The following CCNB1 variants were observed in gnomAD, a reference collection of about 807,000 sequenced individuals.
CCNB1 encodes cyclin B1, also known as G2/mitotic-specific cyclin-B1.
In CCNB1, 26 loss-of-function variants were observed where a neutral mutation model predicts 44.4. That is an observed-to-expected ratio of 0.59 (90% CI 0.43 to 0.81). The LOEUF (loss-of-function observed/expected upper bound fraction) is 0.81. Among genes scored for constraint, CCNB1 ranks in the 40% least tolerant of loss-of-function variants. The probability of loss-of-function intolerance (pLI) is 0.00; values close to 1 mark genes in which losing one functional copy is unlikely to be tolerated. For missense variants in CCNB1, 477 were observed against 520.9 expected (o/e 0.92, Z 0.82); for synonymous variants, 195 against 181.4 (o/e 1.08, Z -0.60).
chr5:69,167,812 C>A (rs1747368578), intron 1 of CCNB1, 96 bp from the exon 2 acceptor site: 1 of 1,173,152 alleles, frequency 8.5e-7, no homozygotes, highest in East Asian at 2.4e-5. Flanking sequence ...AGTCGGCTTT[C>A]TTTCTGGGAA....
intron 7 of CCNB1, among the ~76,000 whole-genome samples, chr5:69,176,578 G>T (rs1313249127): frequency 2.0e-5 from 3 of 149,410 alleles, no homozygotes; most frequent in African/African-American, 7.4e-5. Context: ...CACCGTGTTA[G>T]CCAGGATGGT....
In CCNB1 at chr5:69,171,322, A is replaced by G. The variant is rs1561313422; in HGVS notation, c.416A>G (p.Glu139Gly). ...PMETSGCAPA[E>G]EDLCQAFSDV... ...GAAACATCTGGATGTGCCCCTGCAG[A>G]AGAAGACCTGTGTCAGGCTTTCTCT... Residue 139 changes from glutamate (E) to glycine (G), a missense_variant, in exon 4 of 9, where the codon GAA (glutamate) becomes GGA (glycine). By Grantham distance (98) the Glu-to-Gly change is moderately conservative. Transcript: ENST00000256442. 6.2e-7 allele frequency: 1 copy of G among 1,613,960 alleles called. No individual in the cohort carries two copies. Among genetic ancestry groups the G allele is most frequent in the Non-Finnish European group, 8.5e-7 (1 of 1,179,932 alleles).
intron 1 of CCNB1, chr5:69,167,496 G>C: frequency 1.7e-6 from 1 of 577,268 alleles, no homozygotes; most frequent in Admixed American, 3.2e-5. Flanking sequence ...GTGAGAAAGA[G>C]AACTGGACGG....
At chr5:69,167,406 G>A in intron 1 of CCNB1, 123 bp downstream of exon 1, 2 of 1,122,618 alleles carry the variant, frequency 1.8e-6, no homozygotes, top group Non-Finnish European at 1.3e-6. Context: ...AGGAAGGTGG[G>A]AGGGGACTCA....
chr5:69,171,500 A>G (rs1747459073), intron 4 of CCNB1, 48 bp downstream of exon 4: 3 of 1,349,710 alleles, frequency 2.2e-6, no homozygotes, highest in African/African-American at 1.5e-5. Flanking sequence ...TAACTTTATG[A>G]AAGTATTTTC....
intron 7 of CCNB1, 51 bp from the exon 8 acceptor site, chr5:69,177,188 A>C: frequency 9.7e-7 from 1 of 1,032,182 alleles, no homozygotes; most frequent in African/African-American, 1.6e-5. Context: ...TAGAAACTTT[A>C]TGAAAATCAT....
intron 4 of CCNB1, 136 bp from the exon 5 acceptor site, chr5:69,174,115 A>G (rs913742505): frequency 4.3e-6 from 3 of 690,774 alleles, no homozygotes; most frequent in Non-Finnish European, 7.2e-6. Context: ...GTGGTTGACC[A>G]TATGAATAAT....
chr5:69,174,854 C>T, intron 5 of CCNB1, 23 bp from the exon 6 acceptor site: 2 of 1,564,708 alleles, frequency 1.3e-6, no homozygotes, highest in Non-Finnish European at 1.8e-6. Flanking sequence ...ATTTTATTCA[C>T]CCTATTGAAA....
chr5:69,175,304 A>C, intron 6 of CCNB1, 93 bp from the exon 7 acceptor site: 1 of 1,226,668 alleles, frequency 8.2e-7, no homozygotes, highest in Non-Finnish European at 1.1e-6. Flanking sequence ...GTTTGTAGAC[A>C]AACATTTGTA....
Position 69,167,922 on chromosome 5 carries a change from T to G in CCNB1, c.36T>G (p.Asn12Lys), listed in dbSNP as rs772739694. 54 of 1,609,406 alleles carry G rather than the reference T, an allele frequency of 3.4e-5. No individual in the cohort carries two copies. Among genetic ancestry groups the G allele is most frequent in the Non-Finnish European group, 4.1e-5 (48 of 1,178,862 alleles). Reference protein sequence around the residue: ...ALRVTRNSKINAENKAKINMA... With the variant: ...ALRVTRNSKIKAENKAKINMA... The stretch of plus-strand genomic sequence containing the variant: ...GCTTCTTTCAGAACTCGAAAATTAA[T>G]GCTGAAAATAAGGCGAAGATCAACA... The change falls in exon 2 of 9, where the codon AAT (asparagine) becomes AAG (lysine). Residue 12 changes from asparagine (N) to lysine (K), a missense_variant. By Grantham distance (94) the Asn-to-Lys change is moderately conservative. Coordinates refer to ENST00000256442, the MANE Select transcript of CCNB1 (RefSeq NM_031966.4).
chr5:69,170,472 A>G (rs916753511), intron 3 of CCNB1, among the ~76,000 whole-genome samples: 7 of 152,190 alleles, frequency 4.6e-5, no homozygotes, highest in Non-Finnish European at 8.8e-5. Flanking sequence ...TGTGTTGAGT[A>G]GTGAGAAGCA....
intron 7 of CCNB1, 103 bp from the exon 8 acceptor site, chr5:69,177,136 C>T (rs1747613283): frequency 1.3e-5 from 8 of 637,644 alleles, no homozygotes; most frequent in Non-Finnish European, 8.4e-6. Flanking sequence ...ATTAATTATA[C>T]AGTACCCATC....
intron 7 of CCNB1, 98 bp from the exon 8 acceptor site, chr5:69,177,141 C>T: frequency 1.5e-6 from 1 of 658,434 alleles, no homozygotes; most frequent in South Asian, 1.8e-5. Flanking sequence ...TTATACAGTA[C>T]CCATCTCTTT....
intron 7 of CCNB1, 56 bp from the exon 8 acceptor site, chr5:69,177,183 A>G (rs1747614309): frequency 1.0e-6 from 1 of 980,484 alleles, no homozygotes; most frequent in African/African-American, 1.6e-5. Flanking sequence ...ACATCTAGAA[A>G]CTTTATGAAA....
In CCNB1 at chr5:69,177,947, G is replaced by A. The variant is rs1283211372; in HGVS notation, c.*316G>A. On this transcript the variant is annotated 3_prime_UTR_variant, in exon 9 of 9. Coordinates refer to ENST00000256442, the MANE Select transcript of CCNB1 (RefSeq NM_031966.4). ...AATATGAGTTACTGAAGGTGATGGA[G>A]GTATTTGAAAATTTTACTTCCATAG... 5.0e-6 allele frequency: 1 copy of A among 199,960 alleles called. No homozygotes were observed. The highest frequency in any genetic ancestry group is 1.0e-5 in the Non-Finnish European group (1 of 97,976). 12.4% of individuals were successfully genotyped at this position (199,960 alleles called of 1,614,324 possible).
chr5:69,169,568 C>G (rs745802336), intron 3 of CCNB1, among the ~76,000 whole-genome samples: 15 of 152,168 alleles, frequency 9.9e-5, no homozygotes, highest in Non-Finnish European at 1.6e-4. Context: ...TAGCTAATAA[C>G]CTTTTCATCC....
At chr5:69,172,514 C>T (rs547191434) in intron 4 of CCNB1, among the ~76,000 whole-genome samples, 23 of 152,226 alleles carry the variant, frequency 1.5e-4, no homozygotes, top group African/African-American at 5.3e-4. Flanking sequence ...ATCCCGGCCT[C>T]CCAAAGTGCT....
At chr5:69,169,310 G>A (rs554073223) in intron 3 of CCNB1, among the ~76,000 whole-genome samples, 2 of 152,276 alleles carry the variant, frequency 1.3e-5, no homozygotes, top group East Asian at 1.9e-4. Context: ...GCCCGCCTCG[G>A]CCTCCGAAAG....
intron 4 of CCNB1, among the ~76,000 whole-genome samples, chr5:69,173,608 C>G (rs1039584718): frequency 6.6e-6 from 1 of 152,110 alleles, no homozygotes; most frequent in Admixed American, 6.6e-5. Context: ...ACATAAAGCT[C>G]AGGTTCTAAG....
Sources: gnomAD v4.1 joint callset for allele counts (sites outside exome capture counted in the v4.1 genomes callset) on GRCh38, gnomAD v4.1.1 for gene constraint, MANE v1.5 for transcripts, NCBI Gene and HGNC (gene_info 2026-07-23, HGNC 2026-07-21) for gene names.